LRP12: variants seen among roughly 807,000 people sequenced by gnomAD.
The protein encoded by LRP12 is low-density lipoprotein receptor-related protein 12.
A neutral mutation model predicts 66.0 loss-of-function variants in LRP12; 14 were observed. That is an observed-to-expected ratio of 0.21 (90% confidence interval 0.14 to 0.33). The LOEUF (loss-of-function observed/expected upper bound fraction) is 0.33, where lower values mean the gene tolerates loss of function less well. Ranked by LOEUF, LRP12 falls within the 10% of genes least tolerant of loss-of-function variation. LRP12 has a pLI of 1.00. For synonymous variants in LRP12, 357 were observed against 359.1 expected (o/e 0.99, Z 0.07); for missense variants, 889 against 1,053.4 (o/e 0.84, Z 2.16).
rs1178837203 is a variant in LRP12 at position 104,575,459 on chromosome 8, G to A, written c.79+13360C>T. 7.9e-5 allele frequency among the ~76,000 whole-genome samples: 12 copies of A among 152,170 alleles called. No individual in the cohort carries two copies. In the South Asian group the frequency reaches 2.1e-3, roughly 26 times the overall value. ...CCTTGAAGAACCAGAGAACAAAGTC[G>A]GGGCCCAATACAAGTCCCCCAGAGT... On this transcript the variant is annotated intron_variant, in intron 1 of 6. Coordinates refer to ENST00000276654, the MANE Select transcript of LRP12 (RefSeq NM_013437.5).
intron 1 of LRP12, among the ~76,000 whole-genome samples, chr8:104,565,572 A>G (rs765172633): frequency 5.3e-5 from 8 of 151,258 alleles, no homozygotes; most frequent in Non-Finnish European, 1.2e-4. Flanking sequence ...AAATATATAC[A>G]ACCCAGGCCG....
chr8:104,578,281 G>T (rs978171695), intron 1 of LRP12, among the ~76,000 whole-genome samples: 7 of 151,948 alleles, frequency 4.6e-5, no homozygotes, highest in Non-Finnish European at 7.4e-5. Context: ...ACATAAACTA[G>T]AAAAATCTAG....
chr8:104,547,627 A>ATATAATATTATATAT (rs1277795806), intron 1 of LRP12, among the ~76,000 whole-genome samples: 16 of 125,684 alleles, frequency 1.3e-4, no homozygotes, highest in Non-Finnish European at 9.4e-5. Flanking sequence ...ATATTAATAT[A>ATATAATATTATATAT]TAATAAATAT....
rs1311461405 is a variant in LRP12, at chr8:104,589,017, T to A, written c.-120A>T. 2.1e-5 allele frequency: 11 copies of A among 534,684 alleles called. No individual in the cohort carries two copies. The highest frequency in any genetic ancestry group is 9.6e-5 in the Admixed American group (2 of 20,908). 33.1% of individuals were successfully genotyped at this position (534,684 alleles called of 1,614,324 possible). On this transcript the variant is annotated 5_prime_UTR_variant, in exon 1 of 7. Coordinates refer to ENST00000276654, the MANE Select transcript of LRP12 (RefSeq NM_013437.5). ...CGCCGCCGAGCCACCGGCTGCTCCCTGCGCTCTCCGCGGCTGCGGGAGGGG... is the reference window on the plus strand; with the variant it reads ...CGCCGCCGAGCCACCGGCTGCTCCCAGCGCTCTCCGCGGCTGCGGGAGGGG...
chr8:104,558,007 C>T (rs1306492856), intron 1 of LRP12, among the ~76,000 whole-genome samples: 15 of 152,188 alleles, frequency 9.9e-5, no homozygotes, highest in African/African-American at 3.4e-4. Flanking sequence ...GTCAGAAGTT[C>T]AAGACCAGCC....
At chr8:104,510,557 TCTCA>T in intron 2 of LRP12, among the ~76,000 whole-genome samples, 1 of 152,320 alleles carries the variant, frequency 6.6e-6, no homozygotes, top group East Asian at 1.9e-4. Context: ...ATTTATTCTC[TCTCA>T]ATCAAATACG....
intron 2 of LRP12, among the ~76,000 whole-genome samples, chr8:104,522,057 T>C (rs776876828): frequency 2.8e-4 from 42 of 152,004 alleles, no homozygotes; most frequent in Non-Finnish European, 5.3e-4. Flanking sequence ...TCTTAAACAT[T>C]CTAGGATAAT....
intron 1 of LRP12, among the ~76,000 whole-genome samples, chr8:104,547,067 T>C (rs1299082040): frequency 2.8e-5 from 4 of 144,732 alleles, no homozygotes; most frequent in African/African-American, 7.7e-5. Context: ...TCATACTTTG[T>C]ATACAATATA....
chr8:104,514,435 G>A (rs1199442783), intron 2 of LRP12, among the ~76,000 whole-genome samples: 1 of 151,738 alleles, frequency 6.6e-6, no homozygotes, highest in Non-Finnish European at 1.5e-5. Context: ...CCGGCCAAGT[G>A]TGGTGACTCA....
chr8:104,508,803 A>C (rs1225102056), intron 3 of LRP12, 136 bp downstream of exon 3: 23 of 711,822 alleles, frequency 3.2e-5, no homozygotes, highest in Non-Finnish European at 5.2e-5. Flanking sequence ...AGATGACACC[A>C]ATAGCTAATA....
At chr8:104,569,152 G>C (rs1812044074) in intron 1 of LRP12, among the ~76,000 whole-genome samples, 1 of 152,090 alleles carries the variant, frequency 6.6e-6, no homozygotes, top group South Asian at 2.1e-4. Flanking sequence ...TATGCTAGAT[G>C]AAAGAAGCCA....
chr8:104,515,115 T>C (rs1811057476), intron 2 of LRP12, among the ~76,000 whole-genome samples: 1 of 152,220 alleles, frequency 6.6e-6, no homozygotes, highest in African/African-American at 2.4e-5. Flanking sequence ...AACTTCACTT[T>C]AGGAAATAAA....
At chr8:104,509,133 A>T in intron 2 of LRP12, 59 bp from the exon 3 acceptor site, 1 of 1,497,188 alleles carries the variant, frequency 6.7e-7, no homozygotes, top group South Asian at 1.4e-5. Flanking sequence ...GTATTAGGTA[A>T]ATCAGTGTTT....
intron 1 of LRP12, among the ~76,000 whole-genome samples, chr8:104,587,966 T>G (rs1347687836): frequency 6.6e-6 from 1 of 152,202 alleles, no homozygotes; most frequent in Non-Finnish European, 1.5e-5. Context: ...TCTTAAGAGA[T>G]AGATGTTCTT....
chr8:104,555,439 A>C (rs1293240317), intron 1 of LRP12, among the ~76,000 whole-genome samples: 1 of 152,148 alleles, frequency 6.6e-6, no homozygotes, highest in Non-Finnish European at 1.5e-5. Flanking sequence ...CTGAAACATA[A>C]ACACTCACAA....
intron 1 of LRP12, among the ~76,000 whole-genome samples, chr8:104,533,509 A>C (rs1811355878): frequency 6.6e-6 from 1 of 152,096 alleles, no homozygotes; most frequent in Admixed American, 6.6e-5. Flanking sequence ...TTATATGCAC[A>C]CTTAGTGATC....
At chr8:104,537,046 T>C (rs1470035782) in intron 1 of LRP12, among the ~76,000 whole-genome samples, 3 of 150,984 alleles carry the variant, frequency 2.0e-5, no homozygotes, top group African/African-American at 7.3e-5. Flanking sequence ...CTGTGAACAA[T>C]TAAGAAAACA....
chr8:104,509,850 C>T (rs1810966396), intron 2 of LRP12, among the ~76,000 whole-genome samples: 2 of 152,152 alleles, frequency 1.3e-5, no homozygotes, highest in Admixed American at 1.3e-4. Context: ...TACCTAAGTG[C>T]TTAGTTAAGA....
chr8:104,570,029 C>G (rs376842343), intron 1 of LRP12, among the ~76,000 whole-genome samples: 2 of 152,000 alleles, frequency 1.3e-5, no homozygotes, highest in South Asian at 4.1e-4. Context: ...CATTTAAAAG[C>G]AATATTATTT....
Sources: gnomAD v4.1 joint callset for allele counts (sites outside exome capture counted in the v4.1 genomes callset) on GRCh38, gnomAD v4.1.1 for gene constraint, MANE v1.5 for transcripts, NCBI Gene and HGNC (gene_info 2026-07-23, HGNC 2026-07-21) for gene names.